Variants in POLQ observed in about 807,000 individuals in gnomAD.
POLQ encodes DNA polymerase theta.
In POLQ, 233 loss-of-function variants were observed where a neutral mutation model predicts 259.2. The ratio of observed to expected loss-of-function variants is 0.90; its 90% CI spans 0.81 to 1.00. POLQ has a LOEUF of 1.00. Ranked by LOEUF, POLQ falls within the 50% of genes least tolerant of loss-of-function variation. The probability of loss-of-function intolerance (pLI) is 0.00; values close to 1 mark genes in which losing one functional copy is unlikely to be tolerated. For synonymous variants in POLQ, 1,025 were observed against 1,048.8 expected, an observed-to-expected ratio of 0.98 and a Z score of 0.44; for missense variants, 2,871 against 3,051.6, an observed-to-expected ratio of 0.94 and a Z score of 1.39.
At position 121,483,378 on chromosome 3, in the gene POLQ, C is replaced by A; in HGVS notation, c.5970+8G>T. On this transcript the variant is annotated splice_region_variant and intron_variant, in intron 18 of 29. Coordinates refer to ENST00000264233, the MANE Select transcript of POLQ (RefSeq NM_199420.4). ...TTAAGTATATAAAAATTAAATTAGA[C>A]ATAGAACCTTAGGATCTTCATAACT... The A allele has an allele frequency of 6.7e-7, 1 of 1,483,292 alleles. No individual in the cohort carries two copies. The allele number at this position is 1,483,292 out of a possible 1,614,324, so 91.9% of individuals were successfully genotyped here.
At position 121,539,512 on chromosome 3, in the gene POLQ, C is replaced by A. The variant is rs1404851903; in HGVS notation, c.552G>T (p.Leu184Phe). Residue 184 changes from leucine to phenylalanine, a missense_variant, in exon 4 of 30, where the codon TTG (leucine) becomes TTT (phenylalanine). Coordinates refer to ENST00000264233, the MANE Select transcript of POLQ (RefSeq NM_199420.4). Reference sequence around the variant, plus strand: ...TCTCAATTGTGCAGACTGCAATATCCAATGAAGAGAAATGCCTTGATGGAG... The same window carrying A: ...TCTCAATTGTGCAGACTGCAATATCAAATGAAGAGAAATGCCTTGATGGAG... ...STSPSRHFSS[L>F]DIAVCTIERA... 6.2e-7 allele frequency: 1 copy of A among 1,612,818 alleles called. No homozygotes were observed. Among genetic ancestry groups the A allele is most frequent in the East Asian group, 2.2e-5 (1 of 44,860 alleles).
At chr3:121,510,638 C>G (rs895062932) in intron 10 of POLQ, among the ~76,000 whole-genome samples, 29 of 151,910 alleles carry the variant, frequency 1.9e-4, no homozygotes, top group Non-Finnish European at 4.3e-4. Context: ...TAAAATAAAG[C>G]AAGCTATTTC....
chr3:121,460,315 A>G, intron 24 of POLQ, 81 bp from the exon 25 acceptor site: 2 of 1,042,336 alleles, frequency 1.9e-6, no homozygotes, highest in Non-Finnish European at 2.8e-6. Context: ...ATAATTGAGC[A>G]GGATGACAAA....
intron 7 of POLQ, among the ~76,000 whole-genome samples, chr3:121,527,066 GA>G (rs2048378841): frequency 6.6e-6 from 1 of 151,760 alleles, no homozygotes; most frequent in Non-Finnish European, 1.5e-5. Context: ...ACCACACCTG[GA>G]TATTTTTTTT....
At chr3:121,529,472 G>A (rs1395330935) in intron 7 of POLQ, among the ~76,000 whole-genome samples, 173 bp downstream of exon 7, 2 of 152,118 alleles carry the variant, frequency 1.3e-5, no homozygotes, top group Admixed American at 6.5e-5. Flanking sequence ...GTCTATACTA[G>A]GGACGGAATA....
intron 15 of POLQ, among the ~76,000 whole-genome samples, chr3:121,491,299 G>A (rs1049332866): frequency 1.4e-5 from 2 of 140,536 alleles, no homozygotes; most frequent in African/African-American, 2.7e-5. Flanking sequence ...GTTGCAGTGA[G>A]CCGAGATTAC....
Position 121,473,481 on chromosome 3 carries a change from A to C in POLQ, c.6412T>G (p.Phe2138Val), listed in dbSNP as rs771710027. ...TTTGGGGGCAACTTCAATTCCAAAA[A>C]TAAAACCTGCAAGAAATTAATGTCT... ...TSSDDIAEVL[F>V]LELKLPPNRE... Residue 2138 changes from phenylalanine to valine, a missense_variant, in exon 21 of 30, where the codon TTT becomes GTT. This residue lies in a region of POLQ where 2,080 missense variants were observed against 2,126.0 expected (regional missense o/e 0.98). Coordinates refer to ENST00000264233, the MANE Select transcript of POLQ (RefSeq NM_199420.4). 1 of 1,610,940 alleles carries C rather than the reference A, an allele frequency of 6.2e-7. No homozygotes were observed. Among genetic ancestry groups the C allele is most frequent in the Non-Finnish European group, 8.5e-7 (1 of 1,178,694 alleles).
At chr3:121,501,398 G>A (rs1395847679) in intron 12 of POLQ, among the ~76,000 whole-genome samples, 7 of 151,412 alleles carry the variant, frequency 4.6e-5, no homozygotes, top group Admixed American at 4.6e-4. Flanking sequence ...GGTGGCTCAC[G>A]CCTGTAATCC....
chr3:121,451,142 G>A (rs909272491), intron 25 of POLQ, among the ~76,000 whole-genome samples: 7 of 152,144 alleles, frequency 4.6e-5, no homozygotes, highest in Admixed American at 6.5e-5. Flanking sequence ...GCTCCATCAG[G>A]TCATTTAAGG....
intron 28 of POLQ, among the ~76,000 whole-genome samples, chr3:121,435,093 G>A (rs2047531950): frequency 6.6e-6 from 1 of 152,198 alleles, no homozygotes; most frequent in Non-Finnish European, 1.5e-5. Flanking sequence ...GAACCCAGGA[G>A]GCAGAGGTTG....
intron 9 of POLQ, among the ~76,000 whole-genome samples, chr3:121,518,422 C>T (rs775407627): frequency 3.9e-5 from 6 of 152,150 alleles, no homozygotes; most frequent in South Asian, 2.1e-4. Context: ...GAAACAAGAA[C>T]GCAGAGCTTT....
At chr3:121,444,283 T>C (rs1257615172) in intron 26 of POLQ, among the ~76,000 whole-genome samples, 1 of 152,204 alleles carries the variant, frequency 6.6e-6, no homozygotes, top group Non-Finnish European at 1.5e-5. Context: ...ATCAGTGTTT[T>C]ATAAGTTTTC....
At chr3:121,506,896 T>C (rs1359658586) in intron 12 of POLQ, among the ~76,000 whole-genome samples, 1 of 151,966 alleles carries the variant, frequency 6.6e-6, no homozygotes, top group Non-Finnish European at 1.5e-5. Context: ...CAACGGTACA[T>C]CCACCTACAC....
intron 14 of POLQ, chr3:121,494,726 G>A (rs1375002720): frequency 1.3e-6 from 2 of 1,575,918 alleles, no homozygotes; most frequent in Non-Finnish European, 1.7e-6. Context: ...CTTCACACAG[G>A]TGAACTCGGA....
At position 121,489,959 on chromosome 3, in the gene POLQ, C is replaced by T. The variant is rs200963843; in HGVS notation, c.2972G>A (p.Arg991Gln). ...CTCTTTATTTATATCTAAAGAGGCC[C>T]GTTTTCTTGCTCTGAAAATGGAACA... The part of the protein sequence containing the change: ...QTCSIFRARK[R>Q]ASLDINKEKP... The change falls in exon 16 of 30, where the codon CGG becomes CAG. Residue 991 changes from arginine to glutamine, a missense_variant. Transcript: ENST00000264233. The T allele has an allele frequency of 1.4e-5, 22 of 1,579,538 alleles. No individual in the cohort carries two copies. The highest frequency in any genetic ancestry group is 4.0e-5 in the Admixed American group (2 of 49,472).
At chr3:121,523,578 G>A (rs2048353143) in intron 7 of POLQ, among the ~76,000 whole-genome samples, 1 of 152,000 alleles carries the variant, frequency 6.6e-6, no homozygotes, top group African/African-American at 2.4e-5. Context: ...AGCCAGGCAT[G>A]GTGGCATGCA....
Position 121,473,340 on chromosome 3 carries a change from C to T in POLQ, c.6543+10G>A, listed in dbSNP as rs749604904. 6.2e-7 allele frequency: 1 copy of T among 1,606,224 alleles called. No homozygotes were observed. The highest frequency in any genetic ancestry group is 8.5e-7 in the Non-Finnish European group (1 of 1,177,650). On this transcript the variant is annotated intron_variant, in intron 21 of 29. Transcript: ENST00000264233. ...GTTCTGCCCTGCTCTGTGACTGCCC[C>T]AAAGAGCACCTTACTAGTGCTGAAC... is the stretch of plus-strand genomic sequence containing the variant.
intron 27 of POLQ, among the ~76,000 whole-genome samples, chr3:121,439,001 C>A (rs1246411146): frequency 1.3e-5 from 2 of 152,076 alleles, no homozygotes; most frequent in East Asian, 3.9e-4. Flanking sequence ...AGCACTAAAA[C>A]ACAAAGTTAT....
intron 8 of POLQ, 62 bp downstream of exon 8, chr3:121,521,940 TA>T: frequency 9.0e-7 from 1 of 1,110,708 alleles, no homozygotes; most frequent in Non-Finnish European, 1.3e-6. Flanking sequence ...TACACAAATA[TA>T]AAAGTTAAGA....
Sources: allele counts gnomAD v4.1 joint callset (sites outside exome capture counted in the v4.1 genomes callset), GRCh38; gene constraint gnomAD v4.1.1; regional missense constraint gnomAD v4.1.1; transcripts MANE v1.5; gene names NCBI Gene and HGNC (gene_info 2026-07-23, HGNC 2026-07-21).